Variants in COMMD5 observed in about 807,000 individuals in gnomAD.
COMMD5 encodes COMM domain containing 5, also known as COMM domain-containing protein 5.
Under a neutral mutation model 6.9 loss-of-function variants are expected in COMMD5, and 10 were observed. The ratio of observed to expected loss-of-function variants is 1.44; its 90% CI spans 0.89 to 2.45. The LOEUF (loss-of-function observed/expected upper bound fraction) is 2.45, where lower values mean the gene tolerates loss of function less well. COMMD5 is among the 30% of genes most tolerant of loss of function. The pLI is 0.00. For synonymous variants in COMMD5, 127 were observed against 125.3 expected, an observed-to-expected ratio of 1.01 and a Z score of -0.09; for missense variants, 234 against 287.8, an observed-to-expected ratio of 0.81 and a Z score of 1.35.
At chr8:144,841,281 G>GC (rs1289090998) in exon 2 of COMMD5, 2 of 1,462,510 alleles carry the variant, frequency 1.4e-6, no homozygotes, top group Non-Finnish European at 1.8e-6. Flanking sequence ...TTGAGCCCTG[G>GC]CCCCCGCATT....
At chr8:144,838,395 C>A, downstream of COMMD5, 1 of 469,944 alleles carries the variant, frequency 2.1e-6, no homozygotes, top group Non-Finnish European at 3.8e-6. Flanking sequence ...CCCACTGCCT[C>A]CGGCATCAGC....
exon 2 of COMMD5, chr8:144,841,488 T>A: frequency 6.2e-7 from 1 of 1,614,180 alleles, no homozygotes; most frequent in Non-Finnish European, 8.5e-7. Flanking sequence ...ACGTTTCTGA[T>A]TCTGAGGTCT....
intron 1 of COMMD5, among the ~76,000 whole-genome samples, chr8:144,845,152 C>A (rs1830441840): frequency 6.6e-6 from 1 of 152,208 alleles, no homozygotes; most frequent in Non-Finnish European, 1.5e-5. Context: ...CTGCCAAGAA[C>A]TGAGGGTCTG....
chr8:144,841,598 C>T (rs751458513), exon 2 of COMMD5: 9 of 1,614,054 alleles, frequency 5.6e-6, no homozygotes, highest in Non-Finnish European at 5.9e-6. Context: ...AAGACCTTCA[C>T]CAAGGACGCA....
exon 2 of COMMD5, chr8:144,841,616 G>C: frequency 6.2e-7 from 1 of 1,614,224 alleles, no homozygotes; most frequent in African/African-American, 1.3e-5. Flanking sequence ...GCACCCCAGG[G>C]ATGTAAGGAG....
chr8:144,838,201 G>C (rs779720009), downstream of COMMD5: 1 of 698,564 alleles, frequency 1.4e-6, no homozygotes, highest in Non-Finnish European at 2.6e-6. Context: ...TTCTCCCTGC[G>C]TGTCTGTGTT....
intron 1 of COMMD5, among the ~76,000 whole-genome samples, chr8:144,852,090 G>A (rs912058275): frequency 1.5e-4 from 21 of 142,578 alleles, no homozygotes; most frequent in African/African-American, 5.1e-4. Context: ...GCAGTGAGAC[G>A]AAATCGAGCC....
intron 1 of COMMD5, chr8:144,842,264 G>T: frequency 6.2e-7 from 1 of 1,614,082 alleles, no homozygotes; most frequent in South Asian, 1.1e-5. Context: ...ATGCATACTG[G>T]GGAGAAAGCT....
At chr8:144,842,180 G>A in intron 1 of COMMD5, 7 of 1,614,160 alleles carry the variant, frequency 4.3e-6, no homozygotes, top group South Asian at 1.1e-5. Flanking sequence ...ACTCACACTG[G>A]GGAGAGGCCC....
At chr8:144,840,839 A>G (rs868743790), downstream of COMMD5, among the ~76,000 whole-genome samples, 1 of 152,148 alleles carries the variant, frequency 6.6e-6, no homozygotes, top group Non-Finnish European at 1.5e-5. Flanking sequence ...CCCAGGGAGT[A>G]GCCATGAACG....
exon 2 of COMMD5, chr8:144,841,392 G>T: frequency 6.2e-7 from 1 of 1,612,248 alleles, no homozygotes; most frequent in Non-Finnish European, 8.5e-7. Flanking sequence ...AGGCCTGTGA[G>T]GACATGGACA....
downstream of COMMD5, among the ~76,000 whole-genome samples, chr8:144,849,640 G>A (rs547605744): frequency 5.1e-4 from 77 of 152,220 alleles, no homozygotes; most frequent in Non-Finnish European, 7.4e-4. Context: ...CAGAGACCGA[G>A]CACCAAGGCC....
At chr8:144,845,252 A>G (rs1830448117), downstream of COMMD5, among the ~76,000 whole-genome samples, 1 of 152,104 alleles carries the variant, frequency 6.6e-6, no homozygotes, top group Non-Finnish European at 1.5e-5. Context: ...TGTGGTTGTC[A>G]GGGCCCTATC....
chr8:144,841,592 C>A (rs758056602), exon 2 of COMMD5: 7 of 1,614,190 alleles, frequency 4.3e-6, no homozygotes, highest in Admixed American at 1.7e-5. Flanking sequence ...GTTCCCAAGA[C>A]CTTCACCAAG....
At chr8:144,851,620 C>T (rs575938742) in intron 1 of COMMD5, among the ~76,000 whole-genome samples, 45 of 151,846 alleles carry the variant, frequency 3.0e-4, no homozygotes, top group Admixed American at 2.0e-3. Context: ...GAAGGACAAG[C>T]AGGAATTGGC....
intron 1 of COMMD5, chr8:144,841,780 T>C: frequency 1.2e-6 from 2 of 1,614,148 alleles, no homozygotes; most frequent in Admixed American, 1.7e-5. Context: ...AATTAGCAGA[T>C]GTCAAGAATG....
intron 1 of COMMD5, chr8:144,842,572 C>T (rs777903102): frequency 9.3e-6 from 15 of 1,612,440 alleles, no homozygotes; most frequent in East Asian, 2.2e-5. Flanking sequence ...TCAGCATCAG[C>T]GAATCCACAC....
rs552567243 is a variant in COMMD5, at chr8:144,850,672, G to T, written c.667C>A (p.Gln223Lys). ...DLEKRCERRLQD is the reference protein window; with the variant it reads ...DLEKRCERRLKD ...ACTGGTCAAGTGAGGGGTCAGTCCT[G>T]CAGTCTGCGCTCACACCTCTTCTCC... The change falls in exon 2 of 2, where the codon CAG (glutamine) becomes AAG (lysine). Residue 223 changes from glutamine (Q) to lysine (K), a missense_variant. Gln to Lys is a moderately conservative substitution (Grantham distance 53). Transcript: ENST00000305103. The surrounding 1 kb of genome is among the most constrained non-coding windows in gnomAD (Gnocchi z 4.0). The T allele has an allele frequency of 3.1e-6, 5 of 1,613,030 alleles. No homozygotes were observed. The African/African-American group carries it at 6.7e-5, about 22-fold the overall frequency.
At position 144,850,676 on chromosome 8, in the gene COMMD5, T is replaced by C; in HGVS notation, c.663A>G (p.Arg221=). Residue 221 remains arginine, a synonymous_variant, in exon 2 of 2, where the codon AGA becomes AGG. Coordinates refer to ENST00000305103, the MANE Select transcript of COMMD5 (RefSeq NM_014066.4). This position sits in a 1 kb window ranked among gnomAD's most constrained non-coding sequence, Gnocchi z 4.0. The part of the protein sequence containing the change: ...MADLEKRCER[R]LQD ...GTCAAGTGAGGGGTCAGTCCTGCAG[T>C]CTGCGCTCACACCTCTTCTCCAGAT... The C allele has an allele frequency of 6.2e-7, 1 of 1,613,256 alleles. No individual in the cohort carries two copies. Among genetic ancestry groups the C allele is most frequent in the Non-Finnish European group, 8.5e-7 (1 of 1,179,936 alleles).
Sources: gnomAD v4.1 joint callset for allele counts (sites outside exome capture counted in the v4.1 genomes callset) on GRCh38, gnomAD v4.1.1 for gene constraint, Gnocchi (gnomAD v3.1) non-coding constraint, MANE v1.5 for transcripts, NCBI Gene and HGNC (gene_info 2026-07-23, HGNC 2026-07-21) for gene names.